The following TXNDC16 variants were observed in gnomAD, a reference collection of about 807,000 sequenced individuals.
The protein encoded by TXNDC16 is thioredoxin domain containing 16, also known as thioredoxin domain-containing protein 16.
A neutral mutation model predicts 85.6 loss-of-function variants in TXNDC16; 74 were observed. The ratio of observed to expected loss-of-function variants is 0.86; its 90% CI spans 0.72 to 1.05. TXNDC16 has a LOEUF of 1.05. Ranked by LOEUF, TXNDC16 falls within the 50% of genes least tolerant of loss-of-function variation. TXNDC16 has a pLI of 0.00. For synonymous variants in TXNDC16, 335 were observed against 326.5 expected (o/e 1.03, Z -0.28); for missense variants, 959 against 947.0 (o/e 1.01, Z -0.17).
At position 52,519,126 on chromosome 14, in the gene TXNDC16, T is replaced by G. The variant is rs973274777; in HGVS notation, c.514+46A>C. ...ACTATTTTAAGTACTTCAACATACA[T>G]AAGTACAGAGGCACAGCAAAGATTA... On this transcript the variant is annotated intron_variant, in intron 7 of 20. Transcript: ENST00000281741. 10 of 1,565,504 alleles carry G rather than the reference T, an allele frequency of 6.4e-6. No homozygotes were observed. The Admixed American group carries it at 1.3e-4, about 20-fold the overall frequency.
intron 9 of TXNDC16, among the ~76,000 whole-genome samples, chr14:52,504,154 T>C (rs1594737187): frequency 6.6e-6 from 1 of 152,152 alleles, no homozygotes; most frequent in Non-Finnish European, 1.5e-5. Context: ...CTGCAGGATA[T>C]TACCCAGGAG....
At chr14:52,483,057 C>T in intron 12 of TXNDC16, 92 bp from the exon 13 acceptor site, 2 of 1,084,902 alleles carry the variant, frequency 1.8e-6, no homozygotes, top group Non-Finnish European at 2.5e-6. Context: ...TAATTCAGTA[C>T]TTTATACAAA....
chr14:52,448,364 G>A (rs1018184806), intron 18 of TXNDC16, among the ~76,000 whole-genome samples: 2 of 151,396 alleles, frequency 1.3e-5, no homozygotes, highest in African/African-American at 4.9e-5. Context: ...AAACCTTACA[G>A]GACAATAACA....
At chr14:52,519,037 A>G in intron 7 of TXNDC16, 135 bp downstream of exon 7, 1 of 906,196 alleles carries the variant, frequency 1.1e-6, no homozygotes, top group Non-Finnish European at 1.6e-6. Flanking sequence ...TTAAAGAAAA[A>G]TAGCTTAATA....
chr14:52,482,121 A>G lies in TXNDC16; in HGVS notation c.1312+109T>C, dbSNP rs116042203. On this transcript the variant is annotated intron_variant, in intron 14 of 20. Transcript: ENST00000281741. The stretch of plus-strand genomic sequence containing the variant: ...TTAACTTAACCCTGGAGACACAAAC[A>G]TAGTAACTGAAATTTTATGTGGTTT... 1.1e-3 allele frequency: 1,129 copies of G among 1,005,724 alleles called. 10 individuals carry two copies. In the African/African-American group the frequency reaches 0.017, roughly 15 times the overall value. The allele number at this position is 1,005,724 out of a possible 1,614,324, so 62.3% of individuals were successfully genotyped here.
rs1383908245 is a variant in TXNDC16 at position 52,529,817 on chromosome 14, T to C, written c.392+6902A>G. Reference sequence around the variant, plus strand: ...TAATAATTATATATGACACCTATTATATATTATGTATTATTACTATATATA... The same window carrying C: ...TAATAATTATATATGACACCTATTACATATTATGTATTATTACTATATATA... On this transcript the variant is annotated intron_variant, in intron 6 of 20. Coordinates refer to ENST00000281741, the MANE Select transcript of TXNDC16 (RefSeq NM_020784.3). 5.5e-5 allele frequency among the ~76,000 whole-genome samples: 6 copies of C among 109,692 alleles called. No homozygotes were observed. In the East Asian group the frequency reaches 1.6e-3, roughly 30 times the overall value. The allele number at this position is 109,692 out of a possible 152,430, so 72.0% of individuals were successfully genotyped here. A position where few individuals can be genotyped will look rare whatever the true frequency, so the allele number is the denominator to read the frequency against.
chr14:52,528,813 T>C (rs1330470408), intron 6 of TXNDC16, among the ~76,000 whole-genome samples: 1 of 146,330 alleles, frequency 6.8e-6, no homozygotes, highest in Non-Finnish European at 1.5e-5. Context: ...CATATACTGG[T>C]ATATATATTA....
intron 9 of TXNDC16, among the ~76,000 whole-genome samples, chr14:52,507,999 G>T (rs1156343944): frequency 1.3e-5 from 2 of 152,162 alleles, no homozygotes; most frequent in Admixed American, 6.5e-5. Context: ...TAGGACATGG[G>T]CATGGGCAAG....
Position 52,455,190 on chromosome 14 carries a change from T to C in TXNDC16, c.1842+134A>G. On this transcript the variant is annotated intron_variant, in intron 18 of 20. Coordinates refer to ENST00000281741, the MANE Select transcript of TXNDC16 (RefSeq NM_020784.3). ...ATGACTGAACAATAAAACAGAACAA[T>C]CCAGTAAATCCTCAGCTCACAAATC... 5 of 958,186 alleles carry C rather than the reference T, an allele frequency of 5.2e-6. No individual in the cohort carries two copies. The South Asian group carries it at 9.0e-5, about 17-fold the overall frequency. 59.4% of individuals were successfully genotyped at this position (958,186 alleles called of 1,614,324 possible).
At chr14:52,510,426 C>T (rs947971905) in intron 9 of TXNDC16, among the ~76,000 whole-genome samples, 3 of 152,126 alleles carry the variant, frequency 2.0e-5, no homozygotes, top group Admixed American at 6.5e-5. Context: ...TTCTATTAAA[C>T]TCAAATAACA....
intron 12 of TXNDC16, among the ~76,000 whole-genome samples, chr14:52,487,488 T>C (rs915419397): frequency 2.0e-5 from 3 of 152,182 alleles, no homozygotes; most frequent in African/African-American, 7.2e-5. Flanking sequence ...GATTTAGAAA[T>C]ATTTATAGAC....
intron 19 of TXNDC16, among the ~76,000 whole-genome samples, chr14:52,439,918 A>C (rs2035128452): frequency 6.6e-6 from 1 of 152,138 alleles, no homozygotes; most frequent in African/African-American, 2.4e-5. Context: ...CTAATGTAAC[A>C]CATTCTACAG....
intron 7 of TXNDC16, among the ~76,000 whole-genome samples, chr14:52,517,708 C>T (rs191529645): frequency 6.6e-6 from 1 of 152,080 alleles, no homozygotes; most frequent in Non-Finnish European, 1.5e-5. Flanking sequence ...CCAACTCCCC[C>T]CTTTTTCCTG....
Position 52,519,056 on chromosome 14 carries a change from G to A in TXNDC16, c.514+116C>T, listed in dbSNP as rs1208900066. ...AGAAAAATAGCTTAATAGTAAAGAT[G>A]CTTTAGATTTATTTTAAATATTACG... On this transcript the variant is annotated intron_variant, in intron 7 of 20. Coordinates refer to ENST00000281741, the MANE Select transcript of TXNDC16 (RefSeq NM_020784.3). 4.6e-6 allele frequency: 5 copies of A among 1,084,014 alleles called. No homozygotes were observed. In the Admixed American group the frequency reaches 7.7e-5, roughly 17 times the overall value. 67.1% of individuals were successfully genotyped at this position (1,084,014 alleles called of 1,614,324 possible). A position where few individuals can be genotyped will look rare whatever the true frequency, so the allele number is the denominator to read the frequency against.
At chr14:52,537,311 C>T (rs2037726785) in intron 5 of TXNDC16, among the ~76,000 whole-genome samples, 1 of 152,062 alleles carries the variant, frequency 6.6e-6, no homozygotes, top group Non-Finnish European at 1.5e-5. Flanking sequence ...ACATATCTAC[C>T]CAGAACATTA....
At chr14:52,434,781 A>C (rs1319413115) in intron 20 of TXNDC16, among the ~76,000 whole-genome samples, 1 of 152,268 alleles carries the variant, frequency 6.6e-6, no homozygotes, top group East Asian at 1.9e-4. Context: ...CACAGAAGGC[A>C]GAATCCAATA....
intron 14 of TXNDC16, among the ~76,000 whole-genome samples, chr14:52,479,070 T>C (rs1386510556): frequency 2.0e-5 from 3 of 152,116 alleles, no homozygotes; most frequent in Non-Finnish European, 4.4e-5. Flanking sequence ...AATCACATGA[T>C]CATCTCAATA....
chr14:52,458,915 AT>A (rs1389036849), intron 16 of TXNDC16, among the ~76,000 whole-genome samples: 2 of 152,228 alleles, frequency 1.3e-5, no homozygotes, highest in Non-Finnish European at 2.9e-5. Flanking sequence ...GGATGGGAAA[AT>A]ATATGACTGT....
intron 12 of TXNDC16, among the ~76,000 whole-genome samples, chr14:52,487,988 T>C (rs2036308171): frequency 6.6e-6 from 1 of 152,230 alleles, no homozygotes. Context: ...AATATAACAA[T>C]ATTTATTAGA....
Sources: allele counts gnomAD v4.1 joint callset (sites outside exome capture counted in the v4.1 genomes callset), GRCh38; gene constraint gnomAD v4.1.1; transcripts MANE v1.5; gene names NCBI Gene and HGNC (gene_info 2026-07-23, HGNC 2026-07-21).